Variants in NUP210L observed in about 807,000 individuals in gnomAD.
NUP210L encodes the protein nuclear pore membrane glycoprotein 210-like.
In NUP210L, 74 loss-of-function variants were observed where a neutral mutation model predicts 208.5. The observed-to-expected ratio is 0.35, with a 90% CI of 0.29 to 0.43. The LOEUF is 0.43. Ranked by LOEUF, NUP210L falls within the 20% of genes least tolerant of loss-of-function variation. The pLI is 1.00. For synonymous variants in NUP210L, 780 were observed against 816.9 expected (o/e 0.95, Z 0.77); for missense variants, 1,843 against 2,289.4 (o/e 0.81, Z 3.98).
chr1:154,022,237 C>T, exon 32 of NUP210L: 1 of 1,614,134 alleles, frequency 6.2e-7, no homozygotes, highest in Non-Finnish European at 8.5e-7. Flanking sequence ...TCTGCCATGC[C>T]TGGATGTCTC....
chr1:154,047,032 TG>T (rs951187344), intron 25 of NUP210L, among the ~76,000 whole-genome samples: 10 of 151,770 alleles, frequency 6.6e-5, no homozygotes, highest in African/African-American at 2.4e-4. Context: ...CACTCCAGCC[TG>T]GGCAACAAGA....
chr1:154,027,465 A>C, intron 29 of NUP210L, 41 bp downstream of exon 29: 1 of 1,351,678 alleles, frequency 7.4e-7, no homozygotes, highest in Non-Finnish European at 1.0e-6. Context: ...AAAATACTTA[A>C]GCTTAGATCC....
chr1:154,003,994 C>T (rs1225852298), intron 35 of NUP210L, among the ~76,000 whole-genome samples: 1 of 151,750 alleles, frequency 6.6e-6, no homozygotes, highest in Non-Finnish European at 1.5e-5. Flanking sequence ...TAGTCTGGTC[C>T]AGACCCATTA....
chr1:154,143,602 A>G (rs1658967229), intron 2 of NUP210L, 25 bp from the exon 3 acceptor site: 5 of 1,593,662 alleles, frequency 3.1e-6, no homozygotes, highest in Admixed American at 1.7e-5. Flanking sequence ...AAAACTGAGT[A>G]TTTAATTCAA....
chr1:154,153,154 G>T (rs574523441), intron 1 of NUP210L, among the ~76,000 whole-genome samples: 2 of 151,566 alleles, frequency 1.3e-5, no homozygotes, highest in East Asian at 3.9e-4. Context: ...CGACTGATGT[G>T]TTTCTAGTAA....
At chr1:154,017,098 T>C (rs1168827734) in intron 33 of NUP210L, among the ~76,000 whole-genome samples, 1 of 152,052 alleles carries the variant, frequency 6.6e-6, no homozygotes, top group East Asian at 1.9e-4. Context: ...CTGGCCAACA[T>C]GGTGAAACCC....
intron 16 of NUP210L, among the ~76,000 whole-genome samples, chr1:154,087,769 T>C (rs1655698954): frequency 6.6e-6 from 1 of 152,194 alleles, no homozygotes; most frequent in Non-Finnish European, 1.5e-5. Context: ...AAAAATGCAC[T>C]ACTGATACAG....
At chr1:154,145,070 T>C (rs772456518) in intron 2 of NUP210L, among the ~76,000 whole-genome samples, 1 of 151,616 alleles carries the variant, frequency 6.6e-6, no homozygotes. Context: ...ATCATGCCAC[T>C]GCACTCCAGC....
At chr1:154,019,753 C>G (rs182926919) in intron 32 of NUP210L, among the ~76,000 whole-genome samples, 94 of 152,094 alleles carry the variant, frequency 6.2e-4, no homozygotes, top group African/African-American at 2.1e-3. Context: ...ATGGTGAAAC[C>G]CCATCCTACT....
chr1:153,997,421 G>A (rs1175197678), intron 37 of NUP210L, among the ~76,000 whole-genome samples: 2 of 150,304 alleles, frequency 1.3e-5, no homozygotes, highest in Non-Finnish European at 1.5e-5. Flanking sequence ...GATTACAAGC[G>A]TGAGCTACCG....
At chr1:154,109,823 G>A (rs980154066) in intron 12 of NUP210L, among the ~76,000 whole-genome samples, 55 of 151,196 alleles carry the variant, frequency 3.6e-4, no homozygotes, top group Admixed American at 2.0e-4. Flanking sequence ...AAGAAATTAA[G>A]AAAGAGATTT....
intron 25 of NUP210L, 112 bp from the exon 26 acceptor site, chr1:154,046,481 T>C: frequency 2.3e-6 from 2 of 865,804 alleles, no homozygotes; most frequent in Non-Finnish European, 3.8e-6. Flanking sequence ...GTAAAAAACC[T>C]TGCCCATGCT....
chr1:154,001,127 T>C, intron 36 of NUP210L, 67 bp from the exon 37 acceptor site: 10 of 1,240,772 alleles, frequency 8.1e-6, no homozygotes, highest in Non-Finnish European at 1.2e-5. Context: ...TATGTTCCAA[T>C]CTGAAACATA....
chr1:154,008,132 A>T (rs998682435), intron 35 of NUP210L, among the ~76,000 whole-genome samples: 1 of 151,956 alleles, frequency 6.6e-6, no homozygotes, highest in Admixed American at 6.6e-5. Flanking sequence ...ATGGCCTCCC[A>T]AAGTGCTGGG....
chr1:154,035,198 G>C (rs959510004), intron 27 of NUP210L, among the ~76,000 whole-genome samples: 1 of 151,826 alleles, frequency 6.6e-6, no homozygotes, highest in African/African-American at 2.4e-5. Context: ...TTCTTAGTCT[G>C]TCTAAAGGTT....
intron 32 of NUP210L, among the ~76,000 whole-genome samples, chr1:154,021,779 T>G (rs1430718306): frequency 2.0e-5 from 3 of 152,196 alleles, no homozygotes; most frequent in Admixed American, 6.6e-5. Context: ...AGACTCTTGA[T>G]CAATATTACT....
intron 15 of NUP210L, among the ~76,000 whole-genome samples, chr1:154,091,721 G>A (rs924228707): frequency 2.0e-5 from 3 of 151,312 alleles, no homozygotes; most frequent in Non-Finnish European, 2.9e-5. Context: ...GGCTGGTCTC[G>A]AACTCCTGAA....
chr1:153,995,292 C>G (rs992398416), intron 37 of NUP210L, 112 bp from the exon 38 acceptor site: 1 of 740,034 alleles, frequency 1.4e-6, no homozygotes, highest in Non-Finnish European at 2.3e-6. Context: ...CACTCTGTCC[C>G]CCAGGCTGGA....
At chr1:154,104,533 G>A (rs1656644894) in intron 12 of NUP210L, 1 of 264,288 alleles carries the variant, frequency 3.8e-6, no homozygotes, top group Non-Finnish European at 7.3e-6. Context: ...GTGCACCTGG[G>A]GAGTACAGTG....
Sources: gnomAD v4.1 joint callset for allele counts (sites outside exome capture counted in the v4.1 genomes callset) on GRCh38, gnomAD v4.1.1 for gene constraint, MANE v1.5 for transcripts, NCBI Gene and HGNC (gene_info 2026-07-23, HGNC 2026-07-21) for gene names.